AATK: variants seen among roughly 807,000 people sequenced by gnomAD.
AATK encodes lemur tail kinase 1.
AATK carries 91 observed loss-of-function variants against 114.3 expected under a neutral mutation model. The observed-to-expected ratio is 0.80, with a 90% CI of 0.67 to 0.95. AATK has a LOEUF of 0.95. Among genes scored for constraint, AATK ranks in the 40% least tolerant of loss-of-function variants. The probability of loss-of-function intolerance (pLI) is 0.00; values close to 1 mark genes in which losing one functional copy is unlikely to be tolerated. For synonymous variants in AATK, 1,075 were observed against 916.5 expected, an observed-to-expected ratio of 1.17 and a Z score of -3.12; for missense variants, 2,176 against 1,965.2, an observed-to-expected ratio of 1.11 and a Z score of -2.03.
At chr17:81,118,469 A>G in intron 13 of AATK, 27 bp from the exon 14 acceptor site, 2 of 1,602,494 alleles carry the variant, frequency 1.2e-6, no homozygotes, top group South Asian at 1.1e-5. Flanking sequence ...CAAAGTGAAC[A>G]CAGGGTTCTG....
chr17:81,154,397 T>A (rs1212136422), intron 1 of AATK, among the ~76,000 whole-genome samples: 1 of 142,684 alleles, frequency 7.0e-6, no homozygotes, highest in Non-Finnish European at 1.5e-5. Context: ...TTCAGCTCAC[T>A]GCAACCTCCG....
chr17:81,163,023 C>T (rs188142943), intron 1 of AATK, among the ~76,000 whole-genome samples: 1 of 152,330 alleles, frequency 6.6e-6, no homozygotes, highest in Non-Finnish European at 1.5e-5. Flanking sequence ...CCATTCCCAC[C>T]TTACAGATGA....
At position 81,119,500 on chromosome 17, in the gene AATK, G is replaced by C; in HGVS notation, c.3964C>G (p.Pro1322Ala). ...GTGGGCGTGGGCGCAGCCGGGGCGG[G>C]TGCGGCCGGGTCTAGGGCCATGGCG... ...AFAMALDPAA[P>A]APAAPTPTPA... The change falls in exon 13 of 14, where the codon CCC becomes GCC. Residue 1322 changes from proline to alanine, a missense_variant. Around this residue, in one of 4 missense-constraint regions of AATK, gnomAD observed 1,701 missense variants for 1,394.7 expected, o/e 1.22. Transcript: ENST00000326724. 2 of 1,524,470 alleles carry C rather than the reference G, an allele frequency of 1.3e-6. No homozygotes were observed. Among genetic ancestry groups the C allele is most frequent in the African/African-American group, 1.5e-5 (1 of 68,948 alleles). The allele number at this position is 1,524,470 out of a possible 1,614,324, so 94.4% of individuals were successfully genotyped here.
rs370797201 is a variant in AATK at position 81,124,858 on chromosome 17, C to T, written c.841-10G>A. On this transcript the variant is annotated splice_polypyrimidine_tract_variant and intron_variant, in intron 8 of 13. Transcript: ENST00000326724. ...TCACGAAGTAGTCCTCCTGTTGGCACAGGGACGGGTCACCCCTGCCGGCGC... is the reference window on the plus strand; with the variant it reads ...TCACGAAGTAGTCCTCCTGTTGGCATAGGGACGGGTCACCCCTGCCGGCGC... The T allele has an allele frequency of 1.9e-6, 3 of 1,602,312 alleles. No individual in the cohort carries two copies. The Admixed American group carries it at 5.1e-5, about 27-fold the overall frequency.
At chr17:81,144,242 A>C (rs994314847) in intron 1 of AATK, among the ~76,000 whole-genome samples, 1 of 152,222 alleles carries the variant, frequency 6.6e-6, no homozygotes, top group Non-Finnish European at 1.5e-5. Flanking sequence ...AAATGCCCCC[A>C]AAATGTCCCC....
chr17:81,122,098 G>C lies in AATK; in HGVS notation c.1838C>G (p.Ser613Trp), dbSNP rs753408863. Reference protein sequence around the residue: ...PLCPSRSPSPSAGPLSLAEGG... With the variant: ...PLCPSRSPSPWAGPLSLAEGG... ...CTCCGCCAGACTCAGGGGCCCCGCC[G>C]AGGGCGAGGGAGAGCGTGAGGGGCA... Residue 613 changes from serine (S) to tryptophan (W), a missense_variant, in exon 11 of 14, where the codon TCG (serine) becomes TGG (tryptophan). Physicochemically the swap from Ser to Trp is radical, Grantham distance 177. Coordinates refer to ENST00000326724, the MANE Select transcript of AATK (RefSeq NM_001080395.3). 1.3e-6 allele frequency: 2 copies of C among 1,570,776 alleles called. No individual in the cohort carries two copies. The highest frequency in any genetic ancestry group is 3.5e-5 in the Admixed American group (2 of 56,938).
intron 2 of AATK, chr17:81,133,217 C>T (rs559410963): frequency 6.1e-6 from 3 of 493,898 alleles, no homozygotes; most frequent in Admixed American, 4.4e-5. Flanking sequence ...CTTCAGAGGG[C>T]TCTGGAAGGT....
chr17:81,131,224 A>G lies in AATK; in HGVS notation c.190-19T>C, dbSNP rs1228747999. 3 of 1,560,368 alleles carry G rather than the reference A, an allele frequency of 1.9e-6. No individual in the cohort carries two copies. In the African/African-American group the frequency reaches 4.1e-5, roughly 21 times the overall value. On this transcript the variant is annotated intron_variant, in intron 2 of 13. Coordinates refer to ENST00000326724, the MANE Select transcript of AATK (RefSeq NM_001080395.3). ...CAAACTCCTGCGGGCCGGGCCGGGC[A>G]TGAGCGGGGCTTCTCGCAGGTCAAG...
intron 1 of AATK, chr17:81,136,384 C>G (rs1477732287): frequency 6.6e-6 from 1 of 152,492 alleles, no homozygotes. Context: ...ACCTCAGCCT[C>G]CCCCTCAACC....
At chr17:81,148,180 C>T (rs781050194) in intron 1 of AATK, among the ~76,000 whole-genome samples, 9 of 152,084 alleles carry the variant, frequency 5.9e-5, no homozygotes, top group Non-Finnish European at 1.2e-4. Flanking sequence ...TGTACTTGCA[C>T]GTTTTCTACA....
intron 7 of AATK, 176 bp from the exon 8 acceptor site, chr17:81,125,190 C>T: frequency 1.5e-6 from 1 of 662,798 alleles, no homozygotes; most frequent in East Asian, 2.7e-5. Context: ...ACACTGCCAC[C>T]CCCCATCCCT....
chr17:81,120,303 G>GA lies in AATK; in HGVS notation c.3632dup (p.Lys1212GlnfsTer33). On this transcript the variant is annotated frameshift_variant, in exon 11 of 14. Transcript: ENST00000326724. LOFTEE classifies it high-confidence loss of function. ...TCTCGGACAGCAGGCTGGGCATCTTGAGCAGGCTGCGCAGGTTGCGCGCGC... is the reference window on the plus strand; with the variant it reads ...TCTCGGACAGCAGGCTGGGCATCTTGAAGCAGGCTGCGCAGGTTGCGCGCGC... 6.2e-7 allele frequency: 1 copy of GA among 1,609,912 alleles called. No homozygotes were observed. The highest frequency in any genetic ancestry group is 2.2e-5 in the East Asian group (1 of 44,796).
At chr17:81,162,397 C>CT (rs1216957959) in intron 1 of AATK, among the ~76,000 whole-genome samples, 1 of 152,184 alleles carries the variant, frequency 6.6e-6, no homozygotes, top group Non-Finnish European at 1.5e-5. Flanking sequence ...AGGGCAGGTG[C>CT]TTGCTGCCTG....
chr17:81,127,734 A>C, intron 5 of AATK, 58 bp downstream of exon 5: 2 of 1,447,058 alleles, frequency 1.4e-6, no homozygotes, highest in East Asian at 2.5e-5. Context: ...CGGGCCGAGC[A>C]GGGGAGGGAG....
At chr17:81,150,452 C>G (rs909581086) in intron 1 of AATK, among the ~76,000 whole-genome samples, 3 of 148,702 alleles carry the variant, frequency 2.0e-5, no homozygotes, top group Non-Finnish European at 4.5e-5. Flanking sequence ...TCCTCAGTAC[C>G]CCCGGCAGCT....
rs2060835882 is a variant in AATK at position 81,126,832 on chromosome 17, G to A, written c.622-272C>T. 4 of 1,295,572 alleles carry A rather than the reference G, an allele frequency of 3.1e-6. No individual in the cohort carries two copies. Among genetic ancestry groups the A allele is most frequent in the Non-Finnish European group, 3.9e-6 (4 of 1,019,436 alleles). 80.3% of individuals were successfully genotyped at this position (1,295,572 alleles called of 1,614,324 possible). A position where few individuals can be genotyped will look rare whatever the true frequency, so the allele number is the denominator to read the frequency against. On this transcript the variant is annotated intron_variant, in intron 6 of 13. Transcript: ENST00000326724. This position sits in a 1 kb window ranked among gnomAD's most constrained non-coding sequence, Gnocchi z 5.1. ...AGTCCCTTGGCCTGTGGTAGAGAGA[G>A]AAACACAGGGCCCAAGTGGATCTGC...
rs1242366845 is a variant in AATK, at chr17:81,117,369, A to AACAAAAC, written c.*1026_*1032dup. The stretch of plus-strand genomic sequence containing the variant: ...CATTGCACCAGCGTTCTAAGCCTCA[A>AACAAAAC]ACAAAACACAAAACAAATCCCCCTG... On this transcript the variant is annotated 3_prime_UTR_variant, in exon 14 of 14. Transcript: ENST00000326724. The AACAAAAC allele has an allele frequency of 6.6e-6, 1 of 152,320 alleles. No homozygotes were observed. The highest frequency in any genetic ancestry group is 2.4e-5 in the African/African-American group (1 of 41,456). 9.4% of individuals were successfully genotyped at this position (152,320 alleles called of 1,614,324 possible). A position where few individuals can be genotyped will look rare whatever the true frequency, so the allele number is the denominator to read the frequency against.
rs2060713466 is a variant in AATK, at chr17:81,122,560, T to C, written c.1376A>G (p.His459Arg). ...LLEQFAGDGFHADGDDVLTVT... is the reference protein window; with the variant it reads ...LLEQFAGDGFRADGDDVLTVT... ...CGTCAGCACGTCGTCGCCGTCCGCG[T>C]GGAAGCCGTCGCCCGCGAACTGCTC... The change falls in exon 11 of 14, where the codon CAC (histidine) becomes CGC (arginine). Residue 459 changes from histidine (H) to arginine (R), a missense_variant. Around this residue, in one of 4 missense-constraint regions of AATK, gnomAD observed 1,701 missense variants for 1,394.7 expected, o/e 1.22. Transcript: ENST00000326724. 6.8e-7 allele frequency: 1 copy of C among 1,472,262 alleles called. No homozygotes were observed. The highest frequency in any genetic ancestry group is 1.3e-5 in the South Asian group (1 of 79,896). The allele number at this position is 1,472,262 out of a possible 1,614,324, so 91.2% of individuals were successfully genotyped here. A position where few individuals can be genotyped will look rare whatever the true frequency, so the allele number is the denominator to read the frequency against.
At chr17:81,163,260 C>T (rs1278307060) in intron 1 of AATK, among the ~76,000 whole-genome samples, 2 of 152,148 alleles carry the variant, frequency 1.3e-5, no homozygotes, top group Non-Finnish European at 2.9e-5. Flanking sequence ...GCCCTGAGGC[C>T]GCACCAGGGA....
Sources: gnomAD v4.1 joint callset for allele counts (sites outside exome capture counted in the v4.1 genomes callset) on GRCh38, gnomAD v4.1.1 for gene constraint, gnomAD v4.1.1 regional missense constraint, Gnocchi (gnomAD v3.1) non-coding constraint, MANE v1.5 for transcripts, NCBI Gene and HGNC (gene_info 2026-07-23, HGNC 2026-07-21) for gene names.